PTPRN2: variants seen among roughly 807,000 people sequenced by gnomAD.
PTPRN2 encodes the protein protein tyrosine phosphatase receptor type N2.
A neutral mutation model predicts 118.8 loss-of-function variants in PTPRN2; 74 were observed. The ratio of observed to expected loss-of-function variants is 0.62; its 90% CI spans 0.52 to 0.76. The LOEUF is 0.76. Ranked by LOEUF, PTPRN2 falls within the 30% of genes least tolerant of loss-of-function variation. The pLI, the probability that PTPRN2 is intolerant of heterozygous loss-of-function variation, is 0.00. For missense variants in PTPRN2, 1,481 were observed against 1,394.4 expected (o/e 1.06, Z -0.99); for synonymous variants, 641 against 608.0 (o/e 1.05, Z -0.80).
intron 11 of PTPRN2, among the ~76,000 whole-genome samples, chr7:157,984,992 C>A (rs181498608): frequency 6.6e-6 from 1 of 152,176 alleles, no homozygotes; most frequent in African/African-American, 2.4e-5. Context: ...GCCCACACTT[C>A]TTTCCCCTTT....
intron 11 of PTPRN2, among the ~76,000 whole-genome samples, chr7:157,998,962 C>T (rs905204435): frequency 2.6e-5 from 4 of 151,982 alleles, no homozygotes; most frequent in African/African-American, 9.7e-5. Flanking sequence ...GCGAGGCATC[C>T]GGGGGCCAGG....
At chr7:158,119,400 G>A (rs1816968721) in intron 9 of PTPRN2, among the ~76,000 whole-genome samples, 1 of 152,190 alleles carries the variant, frequency 6.6e-6, no homozygotes, top group African/African-American at 2.4e-5. Context: ...CAAAGATGTG[G>A]CTAAATTGGA....
Position 158,151,074 on chromosome 7 carries a change from C to A in PTPRN2, c.911-12559G>T, listed in dbSNP as rs1409202146. Among the ~76,000 whole-genome samples, 14 of 118,640 alleles carry A rather than the reference C, an allele frequency of 1.2e-4. 1 individual carries two copies. Among genetic ancestry groups the A allele is most frequent in the African/African-American group, 3.3e-4 (10 of 29,860 alleles). 77.8% of individuals were successfully genotyped at this position (118,640 alleles called of 152,430 possible). ...TGCCCACACTGCCCGCCTTTCCACT[C>A]TTGCCCCTGCCTGCCCAAACCGCCC... On this transcript the variant is annotated intron_variant, in intron 6 of 22. Coordinates refer to ENST00000389418, the MANE Select transcript of PTPRN2 (RefSeq NM_002847.5).
rs1004517436 is a variant in PTPRN2 at position 157,879,680 on chromosome 7, C to G, written c.1788+18993G>C. ...GAACCAAGAGAGACAGTGTGAACCC[C>G]AGCATTGGTGGCTGTTGTCTAAGAG... On this transcript the variant is annotated intron_variant, in intron 12 of 22. Transcript: ENST00000389418. Among the ~76,000 whole-genome samples, 4 of 151,994 alleles carry G rather than the reference C, an allele frequency of 2.6e-5. No homozygotes were observed. In the East Asian group the frequency reaches 7.7e-4, roughly 29 times the overall value.
At chr7:158,327,308 C>T (rs201797575) in intron 2 of PTPRN2, among the ~76,000 whole-genome samples, 8 of 143,116 alleles carry the variant, frequency 5.6e-5, no homozygotes, top group South Asian at 2.3e-4. Context: ...CATTCTCACA[C>T]ATACACATTC....
rs948716876 is a variant in PTPRN2, at chr7:157,974,152, C to T, written c.1724-75415G>A. ...TTGACGCTGCACAGGTCATGAGCGC[C>T]GGCCCTGCGGATCCGGCGATGATCA... On this transcript the variant is annotated intron_variant, in intron 11 of 22. Transcript: ENST00000389418. The surrounding 1 kb of genome is among the most constrained non-coding windows in gnomAD (Gnocchi z 4.0). Among the ~76,000 whole-genome samples, 8 of 152,220 alleles carry T rather than the reference C, an allele frequency of 5.3e-5. No homozygotes were observed. Among genetic ancestry groups the T allele is most frequent in the South Asian group, 4.1e-4 (2 of 4,836 alleles).
chr7:157,873,711 T>C (rs1489708139), intron 12 of PTPRN2, among the ~76,000 whole-genome samples: 1 of 151,580 alleles, frequency 6.6e-6, no homozygotes, highest in Admixed American at 6.6e-5. Context: ...GAGAACGTAC[T>C]GTCCTCAAGC....
In PTPRN2 at chr7:157,596,716, G is replaced by A. The variant is rs1041481896; in HGVS notation, c.2419-1401C>T. 7.9e-5 allele frequency among the ~76,000 whole-genome samples: 12 copies of A among 152,150 alleles called. No homozygotes were observed. The highest frequency in any genetic ancestry group is 1.2e-4 in the Non-Finnish European group (8 of 68,032). On this transcript the variant is annotated intron_variant, in intron 16 of 22. Transcript: ENST00000389418. The surrounding 1 kb of genome is among the most constrained non-coding windows in gnomAD (Gnocchi z 4.2). ...CGACCCCCGGAGAGCCGGATGCTGC[G>A]CTGGGGGAACCTCACCTTGGGGAGG...
At chr7:158,038,537 A>G (rs6966729) in intron 11 of PTPRN2, among the ~76,000 whole-genome samples, 70,845 of 151,752 alleles carry the variant, frequency 0.47, 17,142 homozygotes, top group Non-Finnish European at 0.52. Context: ...AAAAAAGATA[A>G]AAGATAAGCT....
At position 158,455,841 on chromosome 7, in the gene PTPRN2, T is replaced by C. The variant is rs75930656; in HGVS notation, c.163+33894A>G. ...GATGCCATCGGCCACGGCCACCCAT[T>C]GCTCTGCAGAGAACATAACAGCACG... On this transcript the variant is annotated intron_variant, in intron 2 of 22. Transcript: ENST00000389418. 8.8e-3 allele frequency among the ~76,000 whole-genome samples: 357 copies of C among 40,452 alleles called. 3 individuals carry two copies. Among genetic ancestry groups the C allele is most frequent in the African/African-American group, 0.02 (229 of 11,564 alleles). The allele number at this position is 40,452 out of a possible 152,430, so 26.5% of individuals were successfully genotyped here.
At chr7:158,140,374 A>G (rs1044539389) in intron 6 of PTPRN2, among the ~76,000 whole-genome samples, 1 of 152,246 alleles carries the variant, frequency 6.6e-6, no homozygotes, top group Admixed American at 6.5e-5. Context: ...ACCCGAGAGA[A>G]GTGAAACCCG....
chr7:157,610,027 T>G lies in PTPRN2; in HGVS notation c.2345-5952A>C, dbSNP rs1019624123. Among the ~76,000 whole-genome samples the G allele has an allele frequency of 6.6e-6, 1 of 152,212 alleles. No individual in the cohort carries two copies. The highest frequency in any genetic ancestry group is 1.5e-5 in the Non-Finnish European group (1 of 68,042). On this transcript the variant is annotated intron_variant, in intron 15 of 22. Transcript: ENST00000389418. This position sits in a 1 kb window ranked among gnomAD's most constrained non-coding sequence, Gnocchi z 5.1. ...GAGGAAAGCGTGTGGAAGACTCCTC[T>G]GCCCGGAACATCGTCTTGCTACACA... is the stretch of plus-strand genomic sequence containing the variant.
chr7:158,321,247 C>A (rs1396060140), intron 2 of PTPRN2, among the ~76,000 whole-genome samples: 1 of 152,120 alleles, frequency 6.6e-6, no homozygotes, highest in African/African-American at 2.4e-5. Context: ...ACTGAAGTCG[C>A]CTCACCGCCG....
At chr7:158,304,322 G>A (rs1455443452) in intron 3 of PTPRN2, among the ~76,000 whole-genome samples, 4 of 148,864 alleles carry the variant, frequency 2.7e-5, no homozygotes, top group African/African-American at 7.5e-5. Context: ...GGAGGCATCA[G>A]ACACCCGTCA....
chr7:158,541,840 T>C lies in PTPRN2; in HGVS notation c.112+45718A>G, dbSNP rs73510542. On this transcript the variant is annotated intron_variant, in intron 1 of 22. Transcript: ENST00000389418. ...CTGAGAGACTGCAGAGCACCACGCA[T>C]GCGCATCACACCTGCTTCCAATTCA... is the stretch of plus-strand genomic sequence containing the variant. The C allele has an allele frequency of 9.2e-3, 5,990 of 650,948 alleles. 296 individuals are homozygous for C. In the African/African-American group the frequency reaches 0.1, roughly 11 times the overall value. The allele number at this position is 650,948 out of a possible 1,614,324, so 40.3% of individuals were successfully genotyped here. A position where few individuals can be genotyped will look rare whatever the true frequency, so the allele number is the denominator to read the frequency against.
At chr7:157,728,518 G>T (rs1385312137) in intron 12 of PTPRN2, among the ~76,000 whole-genome samples, 1 of 152,130 alleles carries the variant, frequency 6.6e-6, no homozygotes, top group Non-Finnish European at 1.5e-5. Flanking sequence ...TAAAGTTCAA[G>T]GATAACTCAA....
At chr7:158,321,251 A>C (rs1168661557) in intron 2 of PTPRN2, among the ~76,000 whole-genome samples, 2 of 152,116 alleles carry the variant, frequency 1.3e-5, no homozygotes, top group Admixed American at 1.3e-4. Flanking sequence ...AAGTCGCCTC[A>C]CCGCCGACCA....
chr7:158,145,041 C>G (rs111983710), intron 6 of PTPRN2, among the ~76,000 whole-genome samples: 3 of 146,182 alleles, frequency 2.1e-5, no homozygotes, highest in African/African-American at 7.8e-5. Flanking sequence ...CAGAATACCA[C>G]GGCTCGGCAA....
intron 3 of PTPRN2, among the ~76,000 whole-genome samples, chr7:158,312,661 G>T (rs1378450480): frequency 6.9e-6 from 1 of 143,902 alleles, no homozygotes; most frequent in Non-Finnish European, 1.5e-5. Flanking sequence ...GTGCATGCAT[G>T]TGTGCCTGCC....
Sources: allele counts gnomAD v4.1 joint callset (sites outside exome capture counted in the v4.1 genomes callset), GRCh38; gene constraint gnomAD v4.1.1; non-coding constraint Gnocchi (gnomAD v3.1); transcripts MANE v1.5; gene names NCBI Gene and HGNC (gene_info 2026-07-23, HGNC 2026-07-21).